CDH20: variants seen among roughly 807,000 people sequenced by gnomAD.
CDH20 encodes the protein cadherin-20.
In CDH20, 29 loss-of-function variants were observed where a neutral mutation model predicts 74.2. That is an observed-to-expected ratio of 0.39 (90% confidence interval 0.29 to 0.53). The LOEUF (loss-of-function observed/expected upper bound fraction) is 0.53. Ranked by LOEUF, CDH20 falls within the 20% of genes least tolerant of loss-of-function variation. CDH20 has a pLI of 0.69. For missense variants in CDH20, 988 were observed against 1,048.3 expected (o/e 0.94, Z 0.79); for synonymous variants, 469 against 405.4 (o/e 1.16, Z -1.88).
intron 1 of CDH20, among the ~76,000 whole-genome samples, chr18:61,389,856 T>C (rs1005303181): frequency 2.6e-5 from 4 of 152,212 alleles, no homozygotes; most frequent in Non-Finnish European, 5.9e-5. Context: ...TACTTTCACC[T>C]TGAAGGAGCT....
rs140950106 is a variant in CDH20, at chr18:61,499,266, C to A, written c.327C>A (p.Ile109=). ...SGEGAGIVFT[I]DDTTGDIHAI... ...AAGGTGCTGGCATCGTGTTTACCAT[C>A]GACGACACCACTGGAGACATCCACG... Residue 109 remains isoleucine (I), a synonymous_variant, in exon 3 of 12, where the codon ATC becomes ATA. Transcript: ENST00000262717. The A allele has an allele frequency of 2.5e-6, 4 of 1,613,666 alleles. No homozygotes were observed. Among genetic ancestry groups the A allele is most frequent in the Non-Finnish European group, 3.4e-6 (4 of 1,179,692 alleles).
chr18:61,499,987 C>T (rs1304762261), intron 3 of CDH20, among the ~76,000 whole-genome samples: 1 of 151,438 alleles, frequency 6.6e-6, no homozygotes, highest in Non-Finnish European at 1.5e-5. Context: ...ACCTATAGTC[C>T]CAGCTACTCA....
intron 6 of CDH20, among the ~76,000 whole-genome samples, chr18:61,522,516 A>G (rs538007962): frequency 6.6e-5 from 10 of 152,344 alleles, no homozygotes; most frequent in African/African-American, 2.2e-4. Flanking sequence ...ATTCAATGCT[A>G]TCCTCATTAA....
chr18:61,358,116 CTT>C (rs778820209), intron 1 of CDH20, among the ~76,000 whole-genome samples: 8 of 138,126 alleles, frequency 5.8e-5, no homozygotes, highest in South Asian at 2.4e-4. Context: ...GTTATTGTTC[CTT>C]TTTTTTTTTT....
At chr18:61,393,732 A>G (rs771715030) in intron 1 of CDH20, among the ~76,000 whole-genome samples, 3 of 152,332 alleles carry the variant, frequency 2.0e-5, no homozygotes, top group Non-Finnish European at 4.4e-5. Flanking sequence ...CTTCACGTTC[A>G]TAAGTTTAGG....
chr18:61,379,763 T>C (rs1568117704), intron 1 of CDH20, among the ~76,000 whole-genome samples: 2 of 152,176 alleles, frequency 1.3e-5, no homozygotes, highest in Non-Finnish European at 2.9e-5. Context: ...TGTCCTGATG[T>C]AATTTGCTGA....
chr18:61,471,044 AGAAATATATTATATTAT>A (rs1910156845), intron 1 of CDH20, among the ~76,000 whole-genome samples: 1 of 152,238 alleles, frequency 6.6e-6, no homozygotes, highest in African/African-American at 2.4e-5. Context: ...AAAAGGTGAA[AGAAATATATTATATTAT>A]GATGAAAAAG....
At chr18:61,343,331 T>G (rs1161968676) in intron 1 of CDH20, among the ~76,000 whole-genome samples, 1 of 152,138 alleles carries the variant, frequency 6.6e-6, no homozygotes, top group African/African-American at 2.4e-5. Context: ...CCTGAATGAA[T>G]AGTTTATATT....
At chr18:61,518,754 C>T (rs1912091680) in intron 6 of CDH20, among the ~76,000 whole-genome samples, 1 of 151,208 alleles carries the variant, frequency 6.6e-6, no homozygotes, top group Admixed American at 6.6e-5. Flanking sequence ...TGGAACAAAA[C>T]TGGATGCAGA....
chr18:61,369,342 G>T (rs1265418336), intron 1 of CDH20, among the ~76,000 whole-genome samples: 2 of 152,072 alleles, frequency 1.3e-5, no homozygotes, highest in Non-Finnish European at 2.9e-5. Flanking sequence ...AAATATCCAG[G>T]ATAGGTTTTT....
intron 1 of CDH20, among the ~76,000 whole-genome samples, chr18:61,354,397 C>T (rs1351631276): frequency 6.6e-6 from 1 of 152,146 alleles, no homozygotes; most frequent in South Asian, 2.1e-4. Context: ...CACCTGAGGT[C>T]GGACATTTGA....
intron 3 of CDH20, 126 bp from the exon 4 acceptor site, chr18:61,500,257 A>G (rs1184361605): frequency 2.2e-6 from 2 of 903,824 alleles, no homozygotes; most frequent in Non-Finnish European, 3.3e-6. Context: ...TGGAAGCTTG[A>G]CCTAGAAAGG....
At chr18:61,520,333 A>AAG (rs60376473) in intron 6 of CDH20, among the ~76,000 whole-genome samples, 6 of 144,434 alleles carry the variant, frequency 4.2e-5, no homozygotes, top group Admixed American at 1.4e-4. Flanking sequence ...AAAAAAAAAA[A>AAG]GACAAAGAAG....
intron 7 of CDH20, among the ~76,000 whole-genome samples, chr18:61,528,886 G>A (rs1212178824): frequency 3.9e-5 from 6 of 152,148 alleles, no homozygotes; most frequent in African/African-American, 1.2e-4. Context: ...TATAGAAAGA[G>A]CAGACATAGA....
intron 1 of CDH20, among the ~76,000 whole-genome samples, chr18:61,476,640 C>A (rs1365764397): frequency 6.6e-6 from 1 of 152,110 alleles, no homozygotes; most frequent in Non-Finnish European, 1.5e-5. Flanking sequence ...ACAACTGTGG[C>A]CCTTAATTCA....
At chr18:61,525,786 A>G (rs1334897989) in intron 6 of CDH20, among the ~76,000 whole-genome samples, 1 of 152,118 alleles carries the variant, frequency 6.6e-6, no homozygotes, top group Non-Finnish European at 1.5e-5. Context: ...CCCTGAAAAT[A>G]TGTACATCTA....
At chr18:61,447,709 CA>C (rs1261339192) in intron 1 of CDH20, among the ~76,000 whole-genome samples, 27 of 152,182 alleles carry the variant, frequency 1.8e-4, no homozygotes, top group Non-Finnish European at 4.0e-4. Context: ...GCTAAGCCAA[CA>C]ATTCTCCTTG....
chr18:61,410,513 T>G (rs932670031), intron 1 of CDH20, among the ~76,000 whole-genome samples: 3 of 152,162 alleles, frequency 2.0e-5, no homozygotes, highest in Admixed American at 6.5e-5. Flanking sequence ...CAATTTTGCT[T>G]GAGGAAGTAA....
chr18:61,543,687 CTA>C (rs1294054550), intron 9 of CDH20, among the ~76,000 whole-genome samples: 1 of 152,194 alleles, frequency 6.6e-6, no homozygotes, highest in African/African-American at 2.4e-5. Flanking sequence ...GGATCCTGTG[CTA>C]TCTTTGCTAG....
Sources: allele counts gnomAD v4.1 joint callset (sites outside exome capture counted in the v4.1 genomes callset), GRCh38; gene constraint gnomAD v4.1.1; transcripts MANE v1.5; gene names NCBI Gene and HGNC (gene_info 2026-07-23, HGNC 2026-07-21).